The following EDDM13 variants were observed in gnomAD, a reference collection of about 807,000 sequenced individuals.
EDDM13 encodes the protein epididymal protein 13.
A neutral mutation model predicts 17.8 loss-of-function variants in EDDM13; 24 were observed. The ratio of observed to expected loss-of-function variants is 1.35; its 90% CI spans 0.98 to 1.90. The LOEUF is 1.90. Among genes scored for constraint, EDDM13 ranks in the 40% most tolerant of loss-of-function variants. The pLI, the probability that EDDM13 is intolerant of heterozygous loss-of-function variation, is 0.00. For synonymous variants in EDDM13, 31 were observed against 37.5 expected, an observed-to-expected ratio of 0.83 and a Z score of 0.63; for missense variants, 97 against 100.8, an observed-to-expected ratio of 0.96 and a Z score of 0.16.
intron 2 of EDDM13, among the ~76,000 whole-genome samples, 108 bp downstream of exon 2, chr19:56,276,217 T>C (rs1037077309): frequency 3.9e-5 from 6 of 152,206 alleles, no homozygotes; most frequent in African/African-American, 1.2e-4. Context: ...GGCACTTGGA[T>C]CTGGTGCACA....
At chr19:56,285,537 T>C (rs906950994) in intron 6 of EDDM13, among the ~76,000 whole-genome samples, 3 of 151,348 alleles carry the variant, frequency 2.0e-5, no homozygotes, top group Non-Finnish European at 4.4e-5. Context: ...GTACATTTAG[T>C]TTTTTTTCTA....
chr19:56,286,340 T>C (rs970670503), intron 6 of EDDM13: 2 of 152,156 alleles, frequency 1.3e-5, no homozygotes, highest in Non-Finnish European at 2.9e-5. Context: ...TTTTTGATAA[T>C]GTGGTGGCCA....
intron 6 of EDDM13, among the ~76,000 whole-genome samples, 102 bp from the exon 7 acceptor site, chr19:56,288,283 A>T (rs1472138424): frequency 6.6e-6 from 1 of 152,132 alleles, no homozygotes; most frequent in Non-Finnish European, 1.5e-5. Context: ...TGCAGGCTCC[A>T]TCCAGCCCAG....
At chr19:56,302,755 C>G (rs779903960) in intron 13 of EDDM13, 2 of 370,216 alleles carry the variant, frequency 5.4e-6, no homozygotes, top group Non-Finnish European at 9.6e-6. Context: ...CTTCTCCCTT[C>G]TGCACTAACA....
At chr19:56,302,581 C>CTCCCTCCCCCCTTCCTTTTCTTCCT (rs1555807484) in intron 13 of EDDM13, among the ~76,000 whole-genome samples, 1 of 40,022 alleles carries the variant, frequency 2.5e-5, no homozygotes, top group East Asian at 1.0e-3. Context: ...TTCTTCCTCC[C>CTCCCTCCCCCCTTCCTTTTCTTCCT]CCTTTTCTTC....
At chr19:56,275,530 A>C (rs2038184534) in intron 1 of EDDM13, among the ~76,000 whole-genome samples, 1 of 152,218 alleles carries the variant, frequency 6.6e-6, no homozygotes, top group African/African-American at 2.4e-5. Flanking sequence ...CAGGAGTTTG[A>C]GACCAGCCTG....
chr19:56,301,827 TG>T, intron 12 of EDDM13, 140 bp from the exon 13 acceptor site: 1 of 954,406 alleles, frequency 1.0e-6, no homozygotes, highest in Non-Finnish European at 1.4e-6. Context: ...GCAGTGATGG[TG>T]GGTGTGGACC....
At chr19:56,276,043 T>G (rs1461679527) in intron 1 of EDDM13, among the ~76,000 whole-genome samples, 49 bp from the exon 2 acceptor site, 2 of 152,232 alleles carry the variant, frequency 1.3e-5, no homozygotes, top group East Asian at 1.9e-4. Context: ...TTTCTCTCTC[T>G]GCTCCCTGCT....
chr19:56,286,702 G>A (rs1473178917), intron 6 of EDDM13: 1 of 152,206 alleles, frequency 6.6e-6, no homozygotes, highest in Non-Finnish European at 1.5e-5. Flanking sequence ...GCCATTTTGA[G>A]AATTTCTCTC....
chr19:56,304,905 C>A, intron 14 of EDDM13, 75 bp downstream of exon 14: 4 of 516,672 alleles, frequency 7.7e-6, no homozygotes, highest in Non-Finnish European at 1.0e-5. Flanking sequence ...AACTGCCTGG[C>A]ATTTGAGGTA....
chr19:56,283,561 G>A (rs186225934), intron 4 of EDDM13: 3 of 152,248 alleles, frequency 2.0e-5, no homozygotes, highest in Admixed American at 2.0e-4. Context: ...GGTGTTGCGA[G>A]CTCCATAAAT....
chr19:56,302,209 G>A, intron 13 of EDDM13, 114 bp downstream of exon 13: 1 of 631,014 alleles, frequency 1.6e-6, no homozygotes, highest in Non-Finnish European at 2.3e-6. Context: ...AGCAGGAAGT[G>A]GTGGGAGAGC....
chr19:56,285,023 TG>T lies in EDDM13; in HGVS notation c.154+1del. 2 of 985,382 alleles carry T rather than the reference TG, an allele frequency of 2.0e-6. No homozygotes were observed. Among genetic ancestry groups the T allele is most frequent in the South Asian group, 9.4e-5 (2 of 21,294 alleles). 61.0% of individuals were successfully genotyped at this position (985,382 alleles called of 1,614,324 possible). ...GTCTCATGAGCAGACTGTCACCGGA[TG>T]GTAAGTGTCAGGATTGTATCTTTTA... The part of the protein sequence containing the change: ...IGLMSRLSPD[G>X]LRHNITSLKM... On this transcript the variant is annotated frameshift_variant and splice_region_variant, in exon 6 of 15. Transcript: ENST00000649256. LOFTEE classifies it high-confidence loss of function.
intron 8 of EDDM13, among the ~76,000 whole-genome samples, chr19:56,289,220 A>G (rs1412574348): frequency 6.6e-6 from 1 of 152,188 alleles, no homozygotes; most frequent in Non-Finnish European, 1.5e-5. Flanking sequence ...GACAATTCCT[A>G]AATTTTAGTA....
intron 13 of EDDM13, among the ~76,000 whole-genome samples, chr19:56,304,233 G>A (rs1401930953): frequency 6.6e-6 from 1 of 152,222 alleles, no homozygotes. Context: ...CCGTGCAGCA[G>A]TTCTAAAGGA....
intron 5 of EDDM13, among the ~76,000 whole-genome samples, chr19:56,284,562 T>C (rs1476725274): frequency 6.9e-6 from 1 of 143,886 alleles, no homozygotes; most frequent in African/African-American, 2.5e-5. Context: ...TCACTCAGGC[T>C]GGAGTGCAGT....
chr19:56,307,749 T>C (rs1398405645), intron 14 of EDDM13, among the ~76,000 whole-genome samples: 1 of 152,240 alleles, frequency 6.6e-6, no homozygotes, highest in Non-Finnish European at 1.5e-5. Flanking sequence ...AACAGGTTGG[T>C]GTGGCTCTCC....
intron 14 of EDDM13, among the ~76,000 whole-genome samples, chr19:56,308,649 C>G (rs182492020): frequency 1.3e-5 from 2 of 151,074 alleles, no homozygotes; most frequent in Admixed American, 1.3e-4. Context: ...TGATTCCCCC[C>G]AAAACATCAC....
At chr19:56,287,867 G>A (rs144911156) in intron 6 of EDDM13, among the ~76,000 whole-genome samples, 1 of 152,150 alleles carries the variant, frequency 6.6e-6, no homozygotes, top group African/African-American at 2.4e-5. Context: ...ATCCTTATAA[G>A]CCCTCTAAGA....
Sources: gnomAD v4.1 joint callset for allele counts (sites outside exome capture counted in the v4.1 genomes callset) on GRCh38, gnomAD v4.1.1 for gene constraint, MANE v1.5 for transcripts, NCBI Gene and HGNC (gene_info 2026-07-23, HGNC 2026-07-21) for gene names.